RASGRP1: variants seen among roughly 807,000 people sequenced by gnomAD.
RASGRP1 encodes the protein RAS guanyl-releasing protein 1.
Under a neutral mutation model 95.1 loss-of-function variants are expected in RASGRP1, and 37 were observed. The observed-to-expected ratio is 0.39, with a 90% confidence interval of 0.30 to 0.51. The LOEUF (loss-of-function observed/expected upper bound fraction) is 0.51, where lower values mean the gene tolerates loss of function less well. Ranked by LOEUF, RASGRP1 falls within the 20% of genes least tolerant of loss-of-function variation. The pLI, the probability that RASGRP1 is intolerant of heterozygous loss-of-function variation, is 0.80. For synonymous variants in RASGRP1, 325 were observed against 353.4 expected (o/e 0.92, Z 0.90); for missense variants, 711 against 965.4 (o/e 0.74, Z 3.49).
chr15:38,559,991 C>T lies in RASGRP1; in HGVS notation c.50G>A (p.Gly17Asp). The change falls in exon 2 of 17, where the codon GGC becomes GAC. Residue 17 changes from glycine to aspartate, a missense_variant. Transcript: ENST00000310803. Reference sequence around the variant, plus strand: ...TCTTGCTTTAGAGGCAGCTCTGCAGCCATGGGAAGGTTTCCTGGGGAAAGA... The same window carrying T: ...TCTTGCTTTAGAGGCAGCTCTGCAGTCATGGGAAGGTTTCCTGGGGAAAGA... ...AREAPRKPSH[G>D]CRAASKARLE... The T allele has an allele frequency of 6.2e-7, 1 of 1,611,766 alleles. No homozygotes were observed. Among genetic ancestry groups the T allele is most frequent in the Non-Finnish European group, 8.5e-7 (1 of 1,178,908 alleles).
intron 2 of RASGRP1, among the ~76,000 whole-genome samples, chr15:38,531,332 G>C (rs1007573095): frequency 6.6e-6 from 1 of 152,286 alleles, no homozygotes; most frequent in Admixed American, 6.5e-5. Flanking sequence ...ATCACCATTC[G>C]TCAGGATAAG....
chr15:38,535,157 G>T (rs1892595341), intron 2 of RASGRP1, among the ~76,000 whole-genome samples: 1 of 152,174 alleles, frequency 6.6e-6, no homozygotes, highest in Non-Finnish European at 1.5e-5. Context: ...TGAGAAAACT[G>T]AAGCAACATG....
intron 11 of RASGRP1, chr15:38,502,796 C>G: frequency 4.1e-6 from 1 of 244,596 alleles, no homozygotes; most frequent in Non-Finnish European, 7.9e-6. Flanking sequence ...AGTGCTCTGT[C>G]CCCACTGTTA....
At chr15:38,524,946 G>C (rs1179783975) in intron 3 of RASGRP1, among the ~76,000 whole-genome samples, 1 of 149,150 alleles carries the variant, frequency 6.7e-6, no homozygotes, top group African/African-American at 2.5e-5. Flanking sequence ...CTAAGGGCAG[G>C]AACCCCGAGG....
intron 2 of RASGRP1, among the ~76,000 whole-genome samples, chr15:38,556,750 C>T (rs946885446): frequency 6.6e-6 from 1 of 152,152 alleles, no homozygotes; most frequent in Non-Finnish European, 1.5e-5. Context: ...CCACATGTGG[C>T]CAGTGCATTG....
chr15:38,540,017 A>T (rs901348098), intron 2 of RASGRP1, among the ~76,000 whole-genome samples: 2 of 152,160 alleles, frequency 1.3e-5, no homozygotes, highest in Admixed American at 6.5e-5. Context: ...CCTGGGCTCA[A>T]GTAACCTTCC....
chr15:38,496,907 T>C (rs1890814431), intron 15 of RASGRP1, among the ~76,000 whole-genome samples: 1 of 152,238 alleles, frequency 6.6e-6, no homozygotes, highest in Admixed American at 6.5e-5. Flanking sequence ...GCAGAATGTA[T>C]ACTATATGGA....
intron 2 of RASGRP1, 122 bp from the exon 3 acceptor site, chr15:38,526,526 GC>G: frequency 1.5e-6 from 1 of 666,768 alleles, no homozygotes; most frequent in South Asian, 1.8e-5. Flanking sequence ...TTCTTCCACT[GC>G]CCCTAGCACA....
At chr15:38,500,847 CTT>C (rs1890988171) in intron 13 of RASGRP1, among the ~76,000 whole-genome samples, 5 of 152,106 alleles carry the variant, frequency 3.3e-5, no homozygotes. Flanking sequence ...TCTCATATGT[CTT>C]TGTTATAACA....
chr15:38,530,656 T>C (rs1892397452), intron 2 of RASGRP1, among the ~76,000 whole-genome samples: 1 of 152,204 alleles, frequency 6.6e-6, no homozygotes, highest in South Asian at 2.1e-4. Context: ...GCTTATTCAG[T>C]ATGGATGGCA....
intron 3 of RASGRP1, 113 bp downstream of exon 3, chr15:38,526,186 T>C (rs1892213189): frequency 2.5e-6 from 2 of 805,012 alleles, no homozygotes; most frequent in Non-Finnish European, 4.2e-6. Flanking sequence ...TATGAACCTA[T>C]TTGCCACTCA....
intron 2 of RASGRP1, among the ~76,000 whole-genome samples, chr15:38,539,540 G>T (rs1408775551): frequency 8.8e-6 from 1 of 113,040 alleles, no homozygotes; most frequent in Non-Finnish European, 1.7e-5. Context: ...CCACAGTCCT[G>T]CATTGCCGTT....
Position 38,507,924 on chromosome 15 carries a change from G to C in RASGRP1, c.1044C>G (p.Thr348=). The C allele has an allele frequency of 6.2e-7, 1 of 1,612,966 alleles. No individual in the cohort carries two copies. Among genetic ancestry groups the C allele is most frequent in the Non-Finnish European group, 8.5e-7 (1 of 1,179,598 alleles). The part of the protein sequence containing the change: ...DNYRRAYGEC[T]DFKIPILGVH... ...CACCCAGAATGGGGATCTTGAAGTC[G>C]GTGCACTCTCCATAGGCTCGCCGGT... The change falls in exon 9 of 17, where the codon ACC becomes ACG. Residue 348 remains threonine (T), a synonymous_variant. Transcript: ENST00000310803.
chr15:38,500,812 G>C lies in RASGRP1; in HGVS notation c.1683+331C>G, dbSNP rs182223294. On this transcript the variant is annotated intron_variant, in intron 13 of 16. Transcript: ENST00000310803. ...TGGAACGGAAGAGGGGCATAGCCAA[G>C]GTTATCTCCTAAAGACAGAAGGTAT... 3.3e-5 allele frequency among the ~76,000 whole-genome samples: 5 copies of C among 152,224 alleles called. No homozygotes were observed. The East Asian group carries it at 9.6e-4, about 29-fold the overall frequency.
intron 15 of RASGRP1, among the ~76,000 whole-genome samples, chr15:38,495,180 C>T (rs1595817430): frequency 6.6e-6 from 1 of 152,320 alleles, no homozygotes; most frequent in East Asian, 1.9e-4. Context: ...AGTCCTGATA[C>T]AGACACCCTC....
intron 2 of RASGRP1, among the ~76,000 whole-genome samples, chr15:38,546,141 T>C (rs905133454): frequency 6.6e-6 from 1 of 152,262 alleles, no homozygotes; most frequent in African/African-American, 2.4e-5. Context: ...TCTATACTAA[T>C]AATGATTGCT....
At chr15:38,513,538 T>TA (rs1293428676) in intron 6 of RASGRP1, among the ~76,000 whole-genome samples, 1 of 152,224 alleles carries the variant, frequency 6.6e-6, no homozygotes, top group African/African-American at 2.4e-5. Flanking sequence ...AGCCTGTTTG[T>TA]ATTTCCTTCT....
At chr15:38,521,543 C>T (rs937498903) in intron 3 of RASGRP1, among the ~76,000 whole-genome samples, 1 of 152,102 alleles carries the variant, frequency 6.6e-6, no homozygotes, top group Admixed American at 6.5e-5. Flanking sequence ...CAAAGGCTGC[C>T]CCCCACAGGG....
chr15:38,504,369 T>C (rs1160530057), intron 10 of RASGRP1: 1 of 152,222 alleles, frequency 6.6e-6, no homozygotes, highest in African/African-American at 2.4e-5. Context: ...ACACATTGTA[T>C]AGCTTATAGC....
Sources: allele counts gnomAD v4.1 joint callset (sites outside exome capture counted in the v4.1 genomes callset), GRCh38; gene constraint gnomAD v4.1.1; transcripts MANE v1.5; gene names NCBI Gene and HGNC (gene_info 2026-07-23, HGNC 2026-07-21).